METAP1D: variants seen among roughly 807,000 people sequenced by gnomAD.
The protein encoded by METAP1D is methionine aminopeptidase 1D, mitochondrial.
A neutral mutation model predicts 40.5 loss-of-function variants in METAP1D; 31 were observed. The observed-to-expected ratio is 0.77, with a 90% CI of 0.58 to 1.03. METAP1D has a LOEUF of 1.03. Among genes scored for constraint, METAP1D ranks in the 50% least tolerant of loss-of-function variants. The pLI is 0.00. For missense variants in METAP1D, 411 were observed against 420.7 expected, an observed-to-expected ratio of 0.98 and a Z score of 0.20; for synonymous variants, 151 against 146.4, an observed-to-expected ratio of 1.03 and a Z score of -0.22.
At chr2:172,019,986 C>A (rs1688967593) in intron 1 of METAP1D, among the ~76,000 whole-genome samples, 1 of 152,110 alleles carries the variant, frequency 6.6e-6, no homozygotes, top group African/African-American at 2.4e-5. Flanking sequence ...GGGCTCCAAT[C>A]TCAGGTATGT....
chr2:172,001,076 G>A (rs1688451010), intron 1 of METAP1D, among the ~76,000 whole-genome samples: 1 of 151,976 alleles, frequency 6.6e-6, no homozygotes, highest in Non-Finnish European at 1.5e-5. Flanking sequence ...GGCTAGAGAG[G>A]TTAAGTAACA....
chr2:172,062,494 G>A (rs1484991032), intron 2 of METAP1D, among the ~76,000 whole-genome samples: 1 of 152,226 alleles, frequency 6.6e-6, no homozygotes, highest in African/African-American at 2.4e-5. Flanking sequence ...GAAATCTCTG[G>A]TGAGGTGAAT....
chr2:172,060,742 G>T (rs549956728), intron 1 of METAP1D, among the ~76,000 whole-genome samples: 58 of 152,040 alleles, frequency 3.8e-4, no homozygotes, highest in Non-Finnish European at 8.2e-4. Context: ...TTCCTATTTG[G>T]AAACATTTGA....
At chr2:172,054,846 T>C (rs574480268) in intron 1 of METAP1D, among the ~76,000 whole-genome samples, 1 of 152,322 alleles carries the variant, frequency 6.6e-6, no homozygotes, top group African/African-American at 2.4e-5. Context: ...TAGGTGCTGA[T>C]AGAATTTTTG....
At chr2:172,005,397 TTTGGTTTTC>T (rs1688553448) in intron 1 of METAP1D, among the ~76,000 whole-genome samples, 1 of 151,514 alleles carries the variant, frequency 6.6e-6, no homozygotes, top group African/African-American at 2.4e-5. Context: ...ACATACAGTA[TTTGGTTTTC>T]TTTTCCTGAG....
At chr2:172,013,565 A>G (rs1688779558) in intron 1 of METAP1D, among the ~76,000 whole-genome samples, 1 of 152,166 alleles carries the variant, frequency 6.6e-6, no homozygotes, top group South Asian at 2.1e-4. Context: ...GCCTGTATAC[A>G]AAGACAGGAT....
intron 1 of METAP1D, among the ~76,000 whole-genome samples, chr2:172,004,566 G>A (rs762584136): frequency 6.6e-6 from 1 of 151,838 alleles, no homozygotes; most frequent in Non-Finnish European, 1.5e-5. Flanking sequence ...CTCTGGTGAC[G>A]CACCTGCCTC....
chr2:172,059,351 T>A (rs1368328100), intron 1 of METAP1D, among the ~76,000 whole-genome samples: 1 of 152,130 alleles, frequency 6.6e-6, no homozygotes, highest in East Asian at 1.9e-4. Flanking sequence ...ATCTTTTTTC[T>A]ATGTGACATT....
intron 1 of METAP1D, among the ~76,000 whole-genome samples, chr2:172,010,704 G>C (rs1160836496): frequency 6.6e-6 from 1 of 150,628 alleles, no homozygotes; most frequent in Non-Finnish European, 1.5e-5. Flanking sequence ...ATGTTGGCCA[G>C]GCTGGTCTTG....
intron 1 of METAP1D, among the ~76,000 whole-genome samples, chr2:172,038,531 TTTAA>T (rs769913989): frequency 6.6e-6 from 1 of 152,170 alleles, no homozygotes; most frequent in Non-Finnish European, 1.5e-5. Context: ...GAGACCAAAT[TTTAA>T]TTAGCTAGGA....
intron 2 of METAP1D, 64 bp from the exon 3 acceptor site, chr2:172,063,647 G>A: frequency 1.5e-6 from 2 of 1,301,242 alleles, no homozygotes; most frequent in Non-Finnish European, 2.2e-6. Flanking sequence ...GGCTGTGTCT[G>A]AAAAAATGAT....
chr2:172,046,087 T>C (rs1396843250), intron 1 of METAP1D, among the ~76,000 whole-genome samples: 1 of 150,468 alleles, frequency 6.6e-6, no homozygotes, highest in Non-Finnish European at 1.5e-5. Flanking sequence ...GAAATCTCTT[T>C]CTGTGAGTGT....
intron 1 of METAP1D, among the ~76,000 whole-genome samples, chr2:172,002,422 TTTTC>T (rs1275249448): frequency 6.6e-6 from 1 of 152,210 alleles, no homozygotes; most frequent in African/African-American, 2.4e-5. Context: ...AGCATTAATC[TTTTC>T]TTTCTTTTTG....
rs1191527583 is a variant in METAP1D at position 172,063,700 on chromosome 2, T to G, written c.199-11T>G. The G allele has an allele frequency of 1.2e-6, 2 of 1,607,842 alleles. No homozygotes were observed. Among genetic ancestry groups the G allele is most frequent in the Non-Finnish European group, 1.7e-6 (2 of 1,174,940 alleles). On this transcript the variant is annotated splice_polypyrimidine_tract_variant and intron_variant, in intron 2 of 9. Transcript: ENST00000315796. ...GGTTCTGATCTTCGTTTTCAATCCT[T>G]TTTCCTCAAGCACATAAAGAAGCCA... is the stretch of plus-strand genomic sequence containing the variant.
intron 1 of METAP1D, among the ~76,000 whole-genome samples, chr2:172,058,503 A>G (rs1252353694): frequency 1.3e-5 from 2 of 151,756 alleles, no homozygotes; most frequent in East Asian, 3.9e-4. Flanking sequence ...GAAATATTAT[A>G]CTTTAAAAGC....
chr2:172,052,887 C>T (rs1689915911), intron 1 of METAP1D, among the ~76,000 whole-genome samples: 1 of 152,176 alleles, frequency 6.6e-6, no homozygotes, highest in African/African-American at 2.4e-5. Flanking sequence ...TCAGTATCTG[C>T]TTCAGCCTGG....
intron 1 of METAP1D, among the ~76,000 whole-genome samples, chr2:172,024,934 G>A (rs1216365768): frequency 2.0e-5 from 3 of 152,138 alleles, no homozygotes; most frequent in Non-Finnish European, 4.4e-5. Context: ...AGATTTGAGA[G>A]GCTCAGTGAT....
intron 2 of METAP1D, among the ~76,000 whole-genome samples, chr2:172,062,638 G>A (rs1483645363): frequency 1.4e-5 from 2 of 138,934 alleles, no homozygotes; most frequent in African/African-American, 2.8e-5. Flanking sequence ...GACCTGGTGA[G>A]CATTTGTGGG....
Position 172,063,793 on chromosome 2 carries a change from T to A in METAP1D, c.281T>A (p.Ile94Asn). ...ATAGAAGTTAAGAATGAAGATCAGA[T>A]TCAAGGGCTTCATCAGGCTTGTCAG... Reference protein sequence around the residue: ...DSIEVKNEDQIQGLHQACQLA... With the variant: ...DSIEVKNEDQNQGLHQACQLA... The change falls in exon 3 of 10, where the codon ATT (isoleucine) becomes AAT (asparagine). Residue 94 changes from isoleucine (I) to asparagine (N), a missense_variant. Physicochemically the swap from Ile to Asn is moderately radical, Grantham distance 149. Transcript: ENST00000315796. The A allele has an allele frequency of 6.2e-7, 1 of 1,614,154 alleles. No homozygotes were observed. Among genetic ancestry groups the A allele is most frequent in the African/African-American group, 1.3e-5 (1 of 75,044 alleles).
Sources: allele counts gnomAD v4.1 joint callset (sites outside exome capture counted in the v4.1 genomes callset), GRCh38; gene constraint gnomAD v4.1.1; transcripts MANE v1.5; gene names NCBI Gene and HGNC (gene_info 2026-07-23, HGNC 2026-07-21).